Variants in MAGI1 observed in about 807,000 individuals in gnomAD.
MAGI1 encodes the protein membrane associated guanylate kinase, WW and PDZ domain containing 1.
MAGI1 carries 58 observed loss-of-function variants against 139.9 expected under a neutral mutation model. That is an observed-to-expected ratio of 0.41 (90% CI 0.34 to 0.52). The LOEUF (loss-of-function observed/expected upper bound fraction) is 0.52. Among genes scored for constraint, MAGI1 ranks in the 20% least tolerant of loss-of-function variants. MAGI1 has a pLI of 0.12. For synonymous variants in MAGI1, 812 were observed against 737.9 expected (o/e 1.10, Z -1.63); for missense variants, 1,874 against 1,901.6 (o/e 0.99, Z 0.27).
At chr3:65,929,624 C>A (rs1323184100) in intron 1 of MAGI1, among the ~76,000 whole-genome samples, 1 of 152,058 alleles carries the variant, frequency 6.6e-6, no homozygotes, top group Non-Finnish European at 1.5e-5. Context: ...TGAGCCACCG[C>A]GCCCAGCCAA....
rs567841396 is a variant in MAGI1 at position 65,869,074 on chromosome 3, C to T, written c.313+168922G>A. ...CGAGGTCAGGAGATCGAGACCACGG[C>T]GAAACCCTGTCTCTACTAAAAATAC... On this transcript the variant is annotated intron_variant, in intron 1 of 22. Transcript: ENST00000402939. Among the ~76,000 whole-genome samples, 158 of 151,634 alleles carry T rather than the reference C, an allele frequency of 1.0e-3. 1 individual carries two copies. Among genetic ancestry groups the T allele is most frequent in the African/African-American group, 3.2e-3 (134 of 41,430 alleles).
intron 1 of MAGI1, among the ~76,000 whole-genome samples, chr3:65,883,500 G>A (rs1198212529): frequency 1.3e-5 from 2 of 152,172 alleles, no homozygotes; most frequent in East Asian, 3.8e-4. Context: ...CAAAGACTTA[G>A]CTCTGGAATT....
chr3:65,935,477 C>T (rs2063005786), intron 1 of MAGI1, among the ~76,000 whole-genome samples: 1 of 152,228 alleles, frequency 6.6e-6, no homozygotes, highest in East Asian at 1.9e-4. Flanking sequence ...TTTTAATTAG[C>T]TGACTGTGGT....
chr3:65,440,439 A>G (rs538556662), intron 8 of MAGI1, among the ~76,000 whole-genome samples: 55 of 152,254 alleles, frequency 3.6e-4, no homozygotes, highest in Non-Finnish European at 5.1e-4. Context: ...TGTCCAAGAT[A>G]CCACCTGACA....
chr3:65,955,661 T>C (rs1455699828), intron 1 of MAGI1, among the ~76,000 whole-genome samples: 1 of 151,804 alleles, frequency 6.6e-6, no homozygotes, highest in Non-Finnish European at 1.5e-5. Flanking sequence ...CAATTTCCCT[T>C]GGAAAAAAAA....
intron 1 of MAGI1, chr3:65,688,332 A>G (rs1352136042): frequency 4.4e-6 from 3 of 685,160 alleles, no homozygotes; most frequent in Non-Finnish European, 8.2e-6. Flanking sequence ...TGAAATATCT[A>G]CCTGGGATGG....
intron 1 of MAGI1, among the ~76,000 whole-genome samples, chr3:65,663,871 T>TC (rs1033223398): frequency 4.1e-4 from 63 of 152,232 alleles, no homozygotes; most frequent in African/African-American, 1.5e-3. Context: ...TTGCCAGATG[T>TC]CCCCTAGGGA....
At chr3:65,500,399 G>A (rs1055198325) in intron 2 of MAGI1, among the ~76,000 whole-genome samples, 5 of 152,148 alleles carry the variant, frequency 3.3e-5, no homozygotes, top group African/African-American at 1.2e-4. Flanking sequence ...ACTTCATCCA[G>A]TAAAGCTTGA....
chr3:65,745,889 C>T (rs1162938964), intron 1 of MAGI1, among the ~76,000 whole-genome samples: 1 of 152,064 alleles, frequency 6.6e-6, no homozygotes, highest in African/African-American at 2.4e-5. Context: ...CTATCATGCC[C>T]AGCTAATTTT....
At chr3:65,773,528 G>A (rs1208307542) in intron 1 of MAGI1, among the ~76,000 whole-genome samples, 1 of 152,080 alleles carries the variant, frequency 6.6e-6, no homozygotes, top group African/African-American at 2.4e-5. Context: ...GCAAGACACT[G>A]TCTCAAAAAA....
chr3:65,385,836 C>T (rs560431596), intron 14 of MAGI1, among the ~76,000 whole-genome samples: 4 of 152,274 alleles, frequency 2.6e-5, no homozygotes, highest in Non-Finnish European at 5.9e-5. Context: ...GCTAAGGTAA[C>T]AATATTTTCT....
intron 2 of MAGI1, among the ~76,000 whole-genome samples, chr3:65,604,921 G>T (rs937379217): frequency 6.6e-6 from 1 of 152,142 alleles, no homozygotes; most frequent in Non-Finnish European, 1.5e-5. Context: ...TGCAAAACAT[G>T]ACCATCTTCT....
At chr3:65,918,124 A>G (rs2061995750) in intron 1 of MAGI1, among the ~76,000 whole-genome samples, 2 of 145,038 alleles carry the variant, frequency 1.4e-5, no homozygotes, top group African/African-American at 5.1e-5. Context: ...AGCTACTCAG[A>G]AAAATAAAAG....
chr3:65,866,153 T>A (rs1486619406), intron 1 of MAGI1, among the ~76,000 whole-genome samples: 1 of 151,356 alleles, frequency 6.6e-6, no homozygotes, highest in South Asian at 2.1e-4. Flanking sequence ...ATATAAAATA[T>A]ATACTACGTA....
intron 1 of MAGI1, among the ~76,000 whole-genome samples, chr3:65,734,296 C>CA (rs1200227038): frequency 6.6e-6 from 1 of 151,904 alleles, no homozygotes; most frequent in African/African-American, 2.4e-5. Context: ...CCTGCCTCTA[C>CA]AAAAATTTAA....
At chr3:66,024,746 C>CA in intron 1 of MAGI1, among the ~76,000 whole-genome samples, 1 of 152,146 alleles carries the variant, frequency 6.6e-6, no homozygotes. Context: ...GCGGAGGTTG[C>CA]AGTGAGCCAA....
At chr3:65,492,853 C>T (rs1007977560) in intron 3 of MAGI1, among the ~76,000 whole-genome samples, 6 of 151,900 alleles carry the variant, frequency 3.9e-5, no homozygotes, top group South Asian at 4.2e-4. Context: ...CCAAGGCGGG[C>T]GGATCACGAG....
At chr3:65,788,307 T>C (rs2039532150) in intron 1 of MAGI1, among the ~76,000 whole-genome samples, 1 of 152,216 alleles carries the variant, frequency 6.6e-6, no homozygotes, top group Non-Finnish European at 1.5e-5. Context: ...CAAATAATAA[T>C]TTTTATTTAA....
chr3:65,911,957 C>T (rs550257751), intron 1 of MAGI1, among the ~76,000 whole-genome samples: 1 of 152,290 alleles, frequency 6.6e-6, no homozygotes, highest in Non-Finnish European at 1.5e-5. Context: ...GATTAACTTG[C>T]CCAAGGGCAT....
Sources: allele counts gnomAD v4.1 joint callset (sites outside exome capture counted in the v4.1 genomes callset), GRCh38; gene constraint gnomAD v4.1.1; transcripts MANE v1.5; gene names NCBI Gene and HGNC (gene_info 2026-07-23, HGNC 2026-07-21).